Variants in DLGAP1 observed in about 807,000 individuals in gnomAD.
DLGAP1 encodes the protein disks large-associated protein 1.
DLGAP1 carries 11 observed loss-of-function variants against 90.8 expected under a neutral mutation model. That is an observed-to-expected ratio of 0.12 (90% CI 0.08 to 0.20). The LOEUF is 0.20. Ranked by LOEUF, DLGAP1 falls within the 10% of genes least tolerant of loss-of-function variation. DLGAP1 has a pLI of 1.00. For synonymous variants in DLGAP1, 558 were observed against 540.7 expected (o/e 1.03, Z -0.44); for missense variants, 1,050 against 1,333.8 (o/e 0.79, Z 3.31).
intron 2 of DLGAP1, among the ~76,000 whole-genome samples, chr18:4,099,986 G>C (rs1176290728): frequency 6.6e-6 from 1 of 151,742 alleles, no homozygotes; most frequent in Non-Finnish European, 1.5e-5. Context: ...CCAAAGTGCT[G>C]GGACTACAGG....
At chr18:3,874,829 T>A in intron 4 of DLGAP1, 1 of 1,343,956 alleles carries the variant, frequency 7.4e-7, no homozygotes, top group Non-Finnish European at 9.7e-7. Flanking sequence ...TCCCTTTTTT[T>A]ATTAACTGCA....
At chr18:3,570,252 T>G (rs1240042414) in intron 8 of DLGAP1, among the ~76,000 whole-genome samples, 1 of 151,406 alleles carries the variant, frequency 6.6e-6, no homozygotes, top group Non-Finnish European at 1.5e-5. Context: ...TCTGCTGGGC[T>G]TATTGACCTT....
intron 7 of DLGAP1, among the ~76,000 whole-genome samples, chr18:3,665,964 G>A (rs2059863596): frequency 6.6e-6 from 1 of 152,170 alleles, no homozygotes; most frequent in Non-Finnish European, 1.5e-5. Context: ...GCAGACACCT[G>A]GCGGCTGCCG....
At chr18:4,217,088 T>C (rs1478844750) in intron 1 of DLGAP1, among the ~76,000 whole-genome samples, 1 of 152,102 alleles carries the variant, frequency 6.6e-6, no homozygotes, top group Non-Finnish European at 1.5e-5. Flanking sequence ...TTTTTCTGCC[T>C]GTATTTTCAC....
rs116477360 is a variant in DLGAP1, at chr18:4,412,128, G to A, written c.-267+42878C>T. Among the ~76,000 whole-genome samples, 1,152 of 152,194 alleles carry A rather than the reference G, an allele frequency of 7.6e-3. 19 individuals are homozygous for A. Among genetic ancestry groups the A allele is most frequent in the African/African-American group, 0.026 (1,097 of 41,524 alleles). ...AGATGCAGAATAGGCTGATGATAAG[G>A]CTCAGGGCTTAATGATGAGGGAAAC... is the stretch of plus-strand genomic sequence containing the variant. On this transcript the variant is annotated intron_variant, in intron 1 of 12. Transcript: ENST00000315677.
intron 5 of DLGAP1, among the ~76,000 whole-genome samples, chr18:3,768,384 A>T (rs2064354836): frequency 6.6e-6 from 1 of 152,174 alleles, no homozygotes; most frequent in Admixed American, 6.5e-5. Context: ...CCCCAAATTG[A>T]TATGCAGGTT....
intron 7 of DLGAP1, among the ~76,000 whole-genome samples, chr18:3,605,221 C>T (rs1464459617): frequency 1.3e-5 from 2 of 152,194 alleles, no homozygotes; most frequent in Admixed American, 6.5e-5. Flanking sequence ...ATCGATTCCT[C>T]GTTAGGGATA....
chr18:3,661,629 T>C (rs2059686032), intron 7 of DLGAP1, among the ~76,000 whole-genome samples: 1 of 144,952 alleles, frequency 6.9e-6, no homozygotes, highest in Non-Finnish European at 1.5e-5. Flanking sequence ...CAGGCTGGAG[T>C]GCAGTGGCAC....
At chr18:4,358,823 C>T (rs1182690943) in intron 1 of DLGAP1, among the ~76,000 whole-genome samples, 1 of 152,194 alleles carries the variant, frequency 6.6e-6, no homozygotes, top group Non-Finnish European at 1.5e-5. Context: ...CTGCCTGTGG[C>T]TTCTGGGTCA....
intron 10 of DLGAP1, among the ~76,000 whole-genome samples, chr18:3,514,055 G>C (rs1054705354): frequency 6.6e-6 from 1 of 151,864 alleles, no homozygotes; most frequent in Admixed American, 6.6e-5. Context: ...TATTTCAAGA[G>C]GAGTTAGGTC....
intron 7 of DLGAP1, among the ~76,000 whole-genome samples, chr18:3,612,649 C>T (rs1055369342): frequency 2.0e-5 from 3 of 152,192 alleles, no homozygotes; most frequent in African/African-American, 7.2e-5. Context: ...AGTGGAATCC[C>T]TGTAACACAC....
In DLGAP1 at chr18:3,711,158, AG is replaced by A. The variant is rs2061586950; in HGVS notation, c.1591+17976del. On this transcript the variant is annotated intron_variant, in intron 7 of 12. Coordinates refer to ENST00000315677, the MANE Select transcript of DLGAP1 (RefSeq NM_004746.4). This position sits in a 1 kb window ranked among gnomAD's most constrained non-coding sequence, Gnocchi z 4.0. ...GATGATCTCAGCCACAGAGTGTAAG[AG>A]GGCAGCACAAAGGGAAGTAAAAACA... Among the ~76,000 whole-genome samples the A allele has an allele frequency of 6.6e-6, 1 of 152,220 alleles. No individual in the cohort carries two copies. Among genetic ancestry groups the A allele is most frequent in the Admixed American group, 6.5e-5 (1 of 15,282 alleles).
intron 1 of DLGAP1, among the ~76,000 whole-genome samples, chr18:4,326,077 C>A (rs2080811085): frequency 6.6e-6 from 1 of 152,034 alleles, no homozygotes; most frequent in Non-Finnish European, 1.5e-5. Context: ...AACAGACAAT[C>A]TACATAATGG....
intron 3 of DLGAP1, among the ~76,000 whole-genome samples, chr18:3,912,851 A>G (rs1438892761): frequency 6.6e-6 from 1 of 152,112 alleles, no homozygotes; most frequent in Non-Finnish European, 1.5e-5. Flanking sequence ...GTGATTTGAA[A>G]AAGTCCTTTG....
intron 6 of DLGAP1, among the ~76,000 whole-genome samples, chr18:3,742,081 G>A (rs2063076651): frequency 6.6e-6 from 1 of 152,084 alleles, no homozygotes; most frequent in African/African-American, 2.4e-5. Context: ...GATCTCTAGT[G>A]AATTTCCAAG....
At chr18:4,108,400 G>A (rs927599148) in intron 2 of DLGAP1, among the ~76,000 whole-genome samples, 26 of 152,160 alleles carry the variant, frequency 1.7e-4, no homozygotes, top group African/African-American at 6.0e-4. Context: ...AGGCTCCTAC[G>A]TCAGGTAAAA....
rs114206656 is a variant in DLGAP1 at position 4,356,044 on chromosome 18, A to C, written c.-267+98962T>G. Among the ~76,000 whole-genome samples, 1,073 of 151,810 alleles carry C rather than the reference A, an allele frequency of 7.1e-3. 19 individuals are homozygous for C. The highest frequency in any genetic ancestry group is 0.024 in the African/African-American group (998 of 41,440). ...CTATGTTCCTGTCTAGGGGTCAGCT[A>C]TTCATCTCCATTGCACATCTGTCAC... On this transcript the variant is annotated intron_variant, in intron 1 of 12. Coordinates refer to ENST00000315677, the MANE Select transcript of DLGAP1 (RefSeq NM_004746.4).
intron 1 of DLGAP1, among the ~76,000 whole-genome samples, chr18:4,291,589 TAC>T (rs748702609): frequency 1.3e-5 from 2 of 152,170 alleles, no homozygotes; most frequent in African/African-American, 2.4e-5. Flanking sequence ...ATTTTATACA[TAC>T]ACACATATAT....
In DLGAP1 at chr18:3,772,153, TCCC is replaced by T. The variant is rs1183290615; in HGVS notation, c.1173-29644_1173-29642del. Among the ~76,000 whole-genome samples, 143 of 138,462 alleles carry T rather than the reference TCCC, an allele frequency of 1.0e-3. 1 individual carries two copies. Among genetic ancestry groups the T allele is most frequent in the African/African-American group, 4.1e-3 (139 of 34,184 alleles). 90.8% of individuals were successfully genotyped at this position (138,462 alleles called of 152,430 possible). A position where few individuals can be genotyped will look rare whatever the true frequency, so the allele number is the denominator to read the frequency against. On this transcript the variant is annotated intron_variant, in intron 5 of 12. Coordinates refer to ENST00000315677, the MANE Select transcript of DLGAP1 (RefSeq NM_004746.4). ...TCTTTTCTTTCTCTCCTTCCTTCCT[TCCC>T]TTTCTTTCTCTCCTTCCTTTCTCTC... is the stretch of plus-strand genomic sequence containing the variant.
Sources: allele counts gnomAD v4.1 joint callset (sites outside exome capture counted in the v4.1 genomes callset), GRCh38; gene constraint gnomAD v4.1.1; non-coding constraint Gnocchi (gnomAD v3.1); transcripts MANE v1.5; gene names NCBI Gene and HGNC (gene_info 2026-07-23, HGNC 2026-07-21).